The following SPATA6L variants were observed in gnomAD, a reference collection of about 807,000 sequenced individuals.
SPATA6L encodes the protein spermatogenesis associated 6-like protein.
Under a neutral mutation model 49.2 loss-of-function variants are expected in SPATA6L, and 68 were observed. The observed-to-expected ratio is 1.38, with a 90% confidence interval of 1.14 to 1.69. The LOEUF is 1.69. Among genes scored for constraint, SPATA6L ranks in the 40% most tolerant of loss-of-function variants. SPATA6L has a pLI of 0.00. For missense variants in SPATA6L, 668 were observed against 464.3 expected (o/e 1.44, Z -4.03); for synonymous variants, 198 against 165.7 (o/e 1.19, Z -1.50).
In SPATA6L at chr9:4,610,920, G is replaced by C. The variant is rs1378051293; in HGVS notation, c.996-5480C>G. Among the ~76,000 whole-genome samples the C allele has an allele frequency of 4.0e-5, 6 of 149,436 alleles. No individual in the cohort carries two copies. In the East Asian group the frequency reaches 1.2e-3, roughly 29 times the overall value. On this transcript the variant is annotated intron_variant, in intron 9 of 11. Transcript: ENST00000682582. ...TCATCTGACAAAGGGCTAATATCCA[G>C]AATCTACAATGAACTCAAACAAATT...
intron 4 of SPATA6L, among the ~76,000 whole-genome samples, chr9:4,631,681 A>C (rs554699137): frequency 6.6e-6 from 1 of 152,380 alleles, no homozygotes; most frequent in Admixed American, 6.5e-5. Flanking sequence ...AGGAGAAAAT[A>C]AAGTGAATGA....
At chr9:4,618,228 C>T (rs555404530) in intron 8 of SPATA6L, 118 bp from the exon 9 acceptor site, 9 of 764,850 alleles carry the variant, frequency 1.2e-5, no homozygotes, top group East Asian at 1.1e-4. Context: ...ATATTTGCCC[C>T]AGGGATCTCC....
intron 1 of SPATA6L, chr9:4,663,360 CATTTCAGGCTTCCTTTGGG>C (rs1840328922): frequency 7.8e-7 from 1 of 1,285,766 alleles, no homozygotes; most frequent in Non-Finnish European, 1.1e-6. Flanking sequence ...CCCTCTTAGG[CATTTCAGGCTTCCTTTGGG>C]ATTTCAGGTG....
intron 3 of SPATA6L, among the ~76,000 whole-genome samples, chr9:4,649,539 G>C (rs1018125698): frequency 2.6e-5 from 4 of 152,190 alleles, no homozygotes; most frequent in Non-Finnish European, 4.4e-5. Flanking sequence ...TAGTAATGTG[G>C]ACAAGGTCAC....
Position 4,598,853 on chromosome 9 carries a change from A to G in SPATA6L, c.*1958T>C, listed in dbSNP as rs976783448. On this transcript the variant is annotated 3_prime_UTR_variant, in exon 12 of 12. Transcript: ENST00000682582. The stretch of plus-strand genomic sequence containing the variant: ...CCATAGTTTCAGAGAGACTGAGAAC[A>G]TATTAGCATATGTAATTTAAGCTTG... Among the ~76,000 whole-genome samples, 1 of 152,262 alleles carries G rather than the reference A, an allele frequency of 6.6e-6. No individual in the cohort carries two copies. Among genetic ancestry groups the G allele is most frequent in the African/African-American group, 2.4e-5 (1 of 41,468 alleles).
rs139128262 is a variant in SPATA6L at position 4,630,682 on chromosome 9, C to G, written c.352-1514G>C. Reference sequence around the variant, plus strand: ...ATACCACTTATACTCAAGATGCTTCCAAAACAAGGTTTGCCCCAGCTGAAG... The same window carrying G: ...ATACCACTTATACTCAAGATGCTTCGAAAACAAGGTTTGCCCCAGCTGAAG... On this transcript the variant is annotated intron_variant, in intron 4 of 11. Coordinates refer to ENST00000682582, the MANE Select transcript of SPATA6L (RefSeq NM_001353486.2). Among the ~76,000 whole-genome samples, 840 of 152,290 alleles carry G rather than the reference C, an allele frequency of 5.5e-3. 5 individuals carry two copies. The highest frequency in any genetic ancestry group is 0.016 in the African/African-American group (685 of 41,572).
At chr9:4,652,078 A>T (rs745867927) in intron 3 of SPATA6L, among the ~76,000 whole-genome samples, 2 of 152,212 alleles carry the variant, frequency 1.3e-5, no homozygotes, top group Non-Finnish European at 1.5e-5. Flanking sequence ...AACTACTAAA[A>T]CTAATAAACA....
intron 11 of SPATA6L, among the ~76,000 whole-genome samples, chr9:4,603,880 C>G (rs1824003884): frequency 6.6e-6 from 1 of 152,058 alleles, no homozygotes; most frequent in African/African-American, 2.4e-5. Flanking sequence ...TGTGCAGAGA[C>G]CCCATGGCAG....
chr9:4,631,291 C>A (rs10974674), intron 4 of SPATA6L, among the ~76,000 whole-genome samples: 381 of 151,958 alleles, frequency 2.5e-3, no homozygotes, highest in Non-Finnish European at 3.6e-3. Context: ...ATAAATAACA[C>A]AATACATAAA....
At chr9:4,629,755 A>ATGTGTGTGTG (rs370931784) in intron 4 of SPATA6L, among the ~76,000 whole-genome samples, 17 of 125,420 alleles carry the variant, frequency 1.4e-4, no homozygotes, top group East Asian at 2.4e-4. Context: ...TGTTTTATAT[A>ATGTGTGTGTG]TGTGTGTGTG....
chr9:4,658,972 T>G (rs2130780521), intron 2 of SPATA6L, among the ~76,000 whole-genome samples: 1 of 149,094 alleles, frequency 6.7e-6, no homozygotes, highest in East Asian at 2.0e-4. Flanking sequence ...AAAAAAAGGC[T>G]TCTACAGAGC....
chr9:4,639,499 C>A (rs764447263), intron 3 of SPATA6L, among the ~76,000 whole-genome samples: 4 of 152,194 alleles, frequency 2.6e-5, no homozygotes, highest in Non-Finnish European at 5.9e-5. Flanking sequence ...GGCTATGAAG[C>A]TTCTCAAGAC....
chr9:4,597,957 G>A (rs565188349), downstream of SPATA6L, among the ~76,000 whole-genome samples: 51 of 152,236 alleles, frequency 3.4e-4, no homozygotes, highest in African/African-American at 1.2e-3. Context: ...CTGGCATTTG[G>A]GTGCTAGGGC....
chr9:4,602,710 C>T (rs941580581), intron 11 of SPATA6L, among the ~76,000 whole-genome samples: 4 of 152,148 alleles, frequency 2.6e-5, no homozygotes, highest in African/African-American at 7.2e-5. Flanking sequence ...CTCCTTCACA[C>T]ATGGGGAGAC....
intron 13 of SPATA6L, among the ~76,000 whole-genome samples, chr9:4,589,835 T>C (rs1821791012): frequency 1.3e-5 from 2 of 152,168 alleles, no homozygotes; most frequent in African/African-American, 4.8e-5. Flanking sequence ...TGGGAGGAAG[T>C]GTACCTCTCT....
At position 4,645,994 on chromosome 9, in the gene SPATA6L, C is replaced by T. The variant is rs149403653; in HGVS notation, c.226+10047G>A. On this transcript the variant is annotated intron_variant, in intron 3 of 11. Coordinates refer to ENST00000682582, the MANE Select transcript of SPATA6L (RefSeq NM_001353486.2). ...GACGAATTATATATGATTTAAATCG[C>T]AATAAAAAATGTGGAAACCATTTCT... Among the ~76,000 whole-genome samples the T allele has an allele frequency of 2.6e-3, 396 of 152,134 alleles. 3 individuals carry two copies. Among genetic ancestry groups the T allele is most frequent in the Non-Finnish European group, 4.4e-3 (302 of 67,988 alleles).
downstream of SPATA6L, chr9:4,596,670 G>A (rs1186351703): frequency 6.6e-6 from 1 of 152,168 alleles, no homozygotes; most frequent in African/African-American, 2.4e-5. Context: ...AACAAGAAGT[G>A]GTTAATTGTT....
chr9:4,592,931 T>C (rs1461278168), intron 13 of SPATA6L, among the ~76,000 whole-genome samples: 1 of 152,112 alleles, frequency 6.6e-6, no homozygotes, highest in Non-Finnish European at 1.5e-5. Flanking sequence ...CTGAATAAAG[T>C]GGTTTAAGAA....
intron 13 of SPATA6L, among the ~76,000 whole-genome samples, chr9:4,589,695 A>T (rs1269479249): frequency 6.6e-6 from 1 of 152,196 alleles, no homozygotes; most frequent in Non-Finnish European, 1.5e-5. Flanking sequence ...CCCTTCAAAC[A>T]TCCTGAAAAT....
Sources: gnomAD v4.1 joint callset for allele counts (sites outside exome capture counted in the v4.1 genomes callset) on GRCh38, gnomAD v4.1.1 for gene constraint, MANE v1.5 for transcripts, NCBI Gene and HGNC (gene_info 2026-07-23, HGNC 2026-07-21) for gene names.